Variants in CDH12 observed in about 807,000 individuals in gnomAD.
CDH12 encodes cadherin-12.
A neutral mutation model predicts 74.1 loss-of-function variants in CDH12; 41 were observed. The observed-to-expected ratio is 0.55, with a 90% CI of 0.43 to 0.72. CDH12 has a LOEUF of 0.72. CDH12 is among the 30% of genes least tolerant of loss of function. The pLI, the probability that CDH12 is intolerant of heterozygous loss-of-function variation, is 0.00. For missense variants in CDH12, 945 were observed against 977.2 expected (o/e 0.97, Z 0.44); for synonymous variants, 399 against 355.0 (o/e 1.12, Z -1.39).
intron 2 of CDH12, among the ~76,000 whole-genome samples, chr5:22,500,950 T>C (rs1031668581): frequency 1.3e-5 from 2 of 152,094 alleles, no homozygotes; most frequent in African/African-American, 4.8e-5. Flanking sequence ...ACAAAAAACA[T>C]GTATGTATTT....
chr5:22,232,680 A>G (rs1273090812), intron 3 of CDH12, among the ~76,000 whole-genome samples: 12 of 151,558 alleles, frequency 7.9e-5, no homozygotes, highest in Admixed American at 7.9e-4. Context: ...TCATCATCAT[A>G]GTTGAGAAGA....
At chr5:22,156,245 T>C (rs1748017363) in intron 4 of CDH12, among the ~76,000 whole-genome samples, 1 of 152,068 alleles carries the variant, frequency 6.6e-6, no homozygotes, top group Non-Finnish European at 1.5e-5. Flanking sequence ...GCATATCACC[T>C]AAGCTTTCTC....
chr5:22,243,924 T>G (rs2150382317), intron 3 of CDH12, among the ~76,000 whole-genome samples: 1 of 152,270 alleles, frequency 6.6e-6, no homozygotes, highest in South Asian at 2.1e-4. Flanking sequence ...GCAAAACCTA[T>G]TATTATATTT....
intron 6 of CDH12, among the ~76,000 whole-genome samples, chr5:21,879,642 T>A (rs977367018): frequency 6.6e-6 from 1 of 152,218 alleles, no homozygotes; most frequent in African/African-American, 2.4e-5. Context: ...TATCATTATG[T>A]GGAATTTTTT....
At chr5:22,398,672 C>CT (rs1314664536) in intron 3 of CDH12, among the ~76,000 whole-genome samples, 1 of 152,100 alleles carries the variant, frequency 6.6e-6, no homozygotes, top group Non-Finnish European at 1.5e-5. Context: ...CTTTTGTCTC[C>CT]TTTTTCACCA....
At chr5:22,772,748 T>C (rs1746876700) in intron 1 of CDH12, among the ~76,000 whole-genome samples, 1 of 152,080 alleles carries the variant, frequency 6.6e-6, no homozygotes, top group Admixed American at 6.6e-5. Flanking sequence ...GTCAGTGTAT[T>C]TGTATAAGTT....
intron 1 of CDH12, among the ~76,000 whole-genome samples, chr5:22,815,701 T>C (rs1232335308): frequency 7.0e-6 from 1 of 143,486 alleles, no homozygotes; most frequent in East Asian, 2.0e-4. Flanking sequence ...ACCTGGGAGA[T>C]ACAGTTTGCA....
At chr5:21,978,767 C>T (rs1481137740) in intron 5 of CDH12, among the ~76,000 whole-genome samples, 1 of 152,006 alleles carries the variant, frequency 6.6e-6, no homozygotes, top group East Asian at 1.9e-4. Flanking sequence ...TATGTATACG[C>T]ACGTGTTTAT....
chr5:21,871,119 T>A (rs1344425114), intron 6 of CDH12, among the ~76,000 whole-genome samples: 1 of 152,128 alleles, frequency 6.6e-6, no homozygotes, highest in African/African-American at 2.4e-5. Flanking sequence ...ACAGAATTTT[T>A]AAAAAAATTT....
At chr5:21,805,757 T>A (rs995031162) in intron 9 of CDH12, among the ~76,000 whole-genome samples, 6 of 152,058 alleles carry the variant, frequency 3.9e-5, no homozygotes, top group African/African-American at 1.4e-4. Flanking sequence ...ATCCCAGCAT[T>A]TGAAATAAAT....
intron 1 of CDH12, among the ~76,000 whole-genome samples, chr5:22,606,479 G>C (rs1737124496): frequency 6.6e-6 from 1 of 152,144 alleles, no homozygotes; most frequent in Admixed American, 6.5e-5. Flanking sequence ...TTTCTGCTAT[G>C]CTGTTCTCAT....
intron 1 of CDH12, among the ~76,000 whole-genome samples, chr5:22,668,941 T>C (rs1020264579): frequency 6.6e-6 from 1 of 152,082 alleles, no homozygotes; most frequent in African/African-American, 2.4e-5. Context: ...TCTTATAGTT[T>C]GATTTTGTAT....
intron 2 of CDH12, among the ~76,000 whole-genome samples, chr5:22,439,803 A>G (rs1301954597): frequency 6.6e-6 from 1 of 152,110 alleles, no homozygotes; most frequent in Non-Finnish European, 1.5e-5. Context: ...ATAAGTTCTT[A>G]AATATACCCT....
chr5:21,775,259 G>T (rs1468117756), intron 11 of CDH12, among the ~76,000 whole-genome samples: 2 of 152,144 alleles, frequency 1.3e-5, no homozygotes, highest in Non-Finnish European at 2.9e-5. Flanking sequence ...TTTGTTTCTC[G>T]TAAGGTTAAC....
intron 1 of CDH12, among the ~76,000 whole-genome samples, chr5:22,763,899 A>T (rs1177697852): frequency 6.6e-6 from 1 of 151,930 alleles, no homozygotes; most frequent in Admixed American, 6.6e-5. Flanking sequence ...AAGATATAGA[A>T]CTTCAATCAG....
At chr5:21,790,257 T>C (rs747204772) in intron 10 of CDH12, among the ~76,000 whole-genome samples, 5 of 152,134 alleles carry the variant, frequency 3.3e-5, no homozygotes, top group Non-Finnish European at 7.4e-5. Flanking sequence ...TTAAATGTAA[T>C]TTTAGGTATT....
intron 1 of CDH12, among the ~76,000 whole-genome samples, chr5:22,739,823 C>G (rs1329888390): frequency 6.6e-6 from 1 of 152,040 alleles, no homozygotes; most frequent in African/African-American, 2.4e-5. Flanking sequence ...GTCATGTACC[C>G]TTAGAATCTA....
intron 3 of CDH12, among the ~76,000 whole-genome samples, chr5:22,270,539 G>A (rs2150399854): frequency 6.6e-6 from 1 of 151,142 alleles, no homozygotes; most frequent in East Asian, 2.0e-4. Context: ...AGGTTGCAGT[G>A]AGCTGAGATG....
At chr5:22,567,178 C>T (rs1739329621) in intron 1 of CDH12, among the ~76,000 whole-genome samples, 1 of 152,122 alleles carries the variant, frequency 6.6e-6, no homozygotes, top group Non-Finnish European at 1.5e-5. Flanking sequence ...AAAGTAACTT[C>T]CTGAAAATGC....
Sources: allele counts gnomAD v4.1 joint callset (sites outside exome capture counted in the v4.1 genomes callset), GRCh38; gene constraint gnomAD v4.1.1; transcripts MANE v1.5; gene names NCBI Gene and HGNC (gene_info 2026-07-23, HGNC 2026-07-21).